Variants in GPR37 observed in about 807,000 individuals in gnomAD.
GPR37 encodes the protein G protein-coupled receptor 37.
In GPR37, 20 loss-of-function variants were observed where a neutral mutation model predicts 43.6. The ratio of observed to expected loss-of-function variants is 0.46; its 90% CI spans 0.32 to 0.67. GPR37 has a LOEUF of 0.67. Among genes scored for constraint, GPR37 ranks in the 30% least tolerant of loss-of-function variants. The pLI, the probability that GPR37 is intolerant of heterozygous loss-of-function variation, is 0.03. For synonymous variants in GPR37, 315 were observed against 322.6 expected (o/e 0.98, Z 0.25); for missense variants, 724 against 797.2 (o/e 0.91, Z 1.11).
At chr7:124,755,350 CTG>C (rs1368339354) in intron 1 of GPR37, among the ~76,000 whole-genome samples, 2 of 152,192 alleles carry the variant, frequency 1.3e-5, no homozygotes, top group African/African-American at 4.8e-5. Context: ...CAACTATCAA[CTG>C]TCCTTACTGC....
chr7:124,761,516 G>A (rs1354053017), intron 1 of GPR37, among the ~76,000 whole-genome samples: 1 of 152,156 alleles, frequency 6.6e-6, no homozygotes, highest in East Asian at 1.9e-4. Context: ...TTGCATCACA[G>A]TTCAACTTCT....
chr7:124,745,950 G>A lies in GPR37; in HGVS notation c.*575C>T, dbSNP rs371252749. On this transcript the variant is annotated 3_prime_UTR_variant, in exon 2 of 2. Coordinates refer to ENST00000303921, the MANE Select transcript of GPR37 (RefSeq NM_005302.5). ...GATTACCTGCCTTAAAAGAAAATAC[G>A]TTATAAAACAGTAAGGCCGGTTTTA... 5.9e-5 allele frequency: 9 copies of A among 152,012 alleles called. No homozygotes were observed. The highest frequency in any genetic ancestry group is 3.8e-4 in the East Asian group (2 of 5,196). The allele number at this position is 152,012 out of a possible 1,614,324, so 9.4% of individuals were successfully genotyped here. A position where few individuals can be genotyped will look rare whatever the true frequency, so the allele number is the denominator to read the frequency against.
intron 1 of GPR37, among the ~76,000 whole-genome samples, chr7:124,749,440 T>C (rs1023659342): frequency 2.6e-4 from 39 of 152,106 alleles, no homozygotes; most frequent in African/African-American, 9.4e-4. Context: ...ATAATGTTAA[T>C]ATCTCATTTT....
At chr7:124,752,371 G>C (rs192474008) in intron 1 of GPR37, among the ~76,000 whole-genome samples, 46 of 152,218 alleles carry the variant, frequency 3.0e-4, no homozygotes, top group East Asian at 1.7e-3. Flanking sequence ...AATAAAGCAG[G>C]AATTTTATCC....
chr7:124,749,930 C>T (rs1477130962), intron 1 of GPR37, among the ~76,000 whole-genome samples: 1 of 152,086 alleles, frequency 6.6e-6, no homozygotes, highest in African/African-American at 2.4e-5. Context: ...AAATAATCTC[C>T]ACTTTCATCT....
chr7:124,763,982 AAGTCCTC>A lies in GPR37; in HGVS notation c.988_994del (p.Glu330SerfsTer9). On this transcript the variant is annotated frameshift_variant, in exon 1 of 2. Coordinates refer to ENST00000303921, the MANE Select transcript of GPR37 (RefSeq NM_005302.5). LOFTEE classifies it high-confidence loss of function. ...TATATAGGGCACGATCTTGCAGGAG[AAGTCCTC>A]CAGCAGCCACTTCTTGGTCAGCTCG... 6.2e-7 allele frequency: 1 copy of A among 1,613,988 alleles called. No homozygotes were observed. Among genetic ancestry groups the A allele is most frequent in the Non-Finnish European group, 8.5e-7 (1 of 1,180,008 alleles).
Position 124,764,726 on chromosome 7 carries a change from G to C in GPR37, c.251C>G (p.Pro84Arg), listed in dbSNP as rs1374852040. 1 of 1,608,472 alleles carries C rather than the reference G, an allele frequency of 6.2e-7. No homozygotes were observed. Among genetic ancestry groups the C allele is most frequent in the Non-Finnish European group, 8.5e-7 (1 of 1,179,256 alleles). Residue 84 changes from proline (P) to arginine (R), a missense_variant, in exon 1 of 2, where the codon CCC becomes CGC. By Grantham distance (103) the Pro-to-Arg change is moderately radical (BLOSUM62 -2). This residue lies in a region of GPR37 where 382 missense variants were observed against 355.4 expected (regional missense o/e 1.07). Coordinates refer to ENST00000303921, the MANE Select transcript of GPR37 (RefSeq NM_005302.5). The surrounding 1 kb of genome is among the most constrained non-coding windows in gnomAD (Gnocchi z 5.4). The part of the protein sequence containing the change: ...EEQGAAFLAG[P>R]SWDLPAAPGR... ...CGGGGCCGCCGGCAGGTCCCAGGAGGGTCCCGCAAGAAACGCTGCCCCCTG... is the reference window on the plus strand; with the variant it reads ...CGGGGCCGCCGGCAGGTCCCAGGAGCGTCCCGCAAGAAACGCTGCCCCCTG...
In GPR37 at chr7:124,764,500, AGC is replaced by A; in HGVS notation, c.475_476del (p.Ala159TrpfsTer6). ...SEEEEKGPRG[A>X]GISGRSQEQS... ...GCTCCTGGCTACGCCCGGAAATGCC[AGC>A]GCCTCTGGGACCCTTCTCTTCCTCC... On this transcript the variant is annotated frameshift_variant, in exon 1 of 2. Transcript: ENST00000303921. LOFTEE classifies it high-confidence loss of function. This position sits in a 1 kb window ranked among gnomAD's most constrained non-coding sequence, Gnocchi z 5.4. The A allele has an allele frequency of 6.2e-7, 1 of 1,613,610 alleles. No homozygotes were observed.
intron 1 of GPR37, among the ~76,000 whole-genome samples, chr7:124,755,766 A>G (rs1047352018): frequency 1.3e-5 from 2 of 152,262 alleles, no homozygotes; most frequent in East Asian, 3.9e-4. Context: ...ATTTCCCCCA[A>G]GCCCACAGTC....
chr7:124,752,415 G>A (rs1342703710), intron 1 of GPR37, among the ~76,000 whole-genome samples: 2 of 152,046 alleles, frequency 1.3e-5, no homozygotes, highest in Non-Finnish European at 2.9e-5. Context: ...AGAACTTCTC[G>A]ACTATCTCCC....
rs724356 is a variant in GPR37, at chr7:124,747,320, A to G, written c.1047T>C (p.Thr349=). 0.75 allele frequency: 1,212,677 copies of G among 1,610,830 alleles called. 463,242 individuals are homozygous for G. The highest frequency in any genetic ancestry group is 1 in the East Asian group (44,776 of 44,826). The part of the protein sequence containing the change: ...YIEVASLGVT[T]FTLCALCIDR... ...CTATGCACAGAGCACATAAGGTGAA[A>G]GTGGTGACTCCCAGAGAAGCGACCT... Residue 349 remains threonine, a synonymous_variant, in exon 2 of 2, where the codon ACT becomes ACC. Coordinates refer to ENST00000303921, the MANE Select transcript of GPR37 (RefSeq NM_005302.5).
At chr7:124,747,487 G>A in intron 1 of GPR37, 144 bp from the exon 2 acceptor site, 1 of 619,860 alleles carries the variant, frequency 1.6e-6, no homozygotes, top group Non-Finnish European at 2.8e-6. Context: ...TTTCCAGAAT[G>A]AGGCATGGGT....
intron 1 of GPR37, among the ~76,000 whole-genome samples, chr7:124,762,501 AAAG>A (rs1187679288): frequency 6.8e-4 from 103 of 152,134 alleles, no homozygotes; most frequent in Non-Finnish European, 1.4e-3. Flanking sequence ...AAAAAGAAAA[AAAG>A]AAATTTGAAA....
intron 1 of GPR37, among the ~76,000 whole-genome samples, chr7:124,763,264 G>T (rs779062374): frequency 5.9e-5 from 9 of 152,156 alleles, no homozygotes; most frequent in Non-Finnish European, 1.3e-4. Flanking sequence ...GCTGGCCAAA[G>T]TCTTATTTTT....
chr7:124,746,941 A>G lies in GPR37; in HGVS notation c.1426T>C (p.Cys476Arg). 1 of 1,614,092 alleles carries G rather than the reference A, an allele frequency of 6.2e-7. No individual in the cohort carries two copies. The highest frequency in any genetic ancestry group is 8.5e-7 in the Non-Finnish European group (1 of 1,179,966). The change falls in exon 2 of 2, where the codon TGT (cysteine) becomes CGT (arginine). Residue 476 changes from cysteine to arginine, a missense_variant. Coordinates refer to ENST00000303921, the MANE Select transcript of GPR37 (RefSeq NM_005302.5). ...ATCTGCCGTTTATTCCCTCGGGTAC[A>G]GGCTTTCTCTGCTTTGCGGATTTTC... ...ARKIRKAEKA[C>R]TRGNKRQIQL...
rs200282466 is a variant in GPR37 at position 124,764,696 on chromosome 7, C to A, written c.281G>T (p.Arg94Leu). 1.1e-4 allele frequency: 179 copies of A among 1,594,950 alleles called. 1 individual carries two copies. In the East Asian group the frequency reaches 3.9e-3, roughly 35 times the overall value. ...CGCCCCTCTGCCTGCAGCCGGGTCA[C>A]GGCCCGGGGCCGCCGGCAGGTCCCA... Reference protein sequence around the residue: ...PSWDLPAAPGRDPAAGRGAEA... With the variant: ...PSWDLPAAPGLDPAAGRGAEA... The change falls in exon 1 of 2, where the codon CGT becomes CTT. Residue 94 changes from arginine (R) to leucine (L), a missense_variant. By Grantham distance (102) the Arg-to-Leu change is moderately radical. Around this residue, in one of 2 missense-constraint regions of GPR37, gnomAD observed 382 missense variants for 355.4 expected, o/e 1.07. Coordinates refer to ENST00000303921, the MANE Select transcript of GPR37 (RefSeq NM_005302.5). This position sits in a 1 kb window ranked among gnomAD's most constrained non-coding sequence, Gnocchi z 5.4.
chr7:124,751,462 C>A (rs1186923442), intron 1 of GPR37, among the ~76,000 whole-genome samples: 2 of 152,094 alleles, frequency 1.3e-5, no homozygotes, highest in African/African-American at 4.8e-5. Flanking sequence ...AGTAACTGCA[C>A]ACCTCAGAAA....
At chr7:124,757,124 C>T (rs750135659) in intron 1 of GPR37, among the ~76,000 whole-genome samples, 7 of 152,132 alleles carry the variant, frequency 4.6e-5, no homozygotes, top group Non-Finnish European at 7.4e-5. Flanking sequence ...CCCCTTTCCT[C>T]GACTCCACAA....
chr7:124,748,836 A>AT (rs891710229), intron 1 of GPR37, among the ~76,000 whole-genome samples: 12 of 150,954 alleles, frequency 7.9e-5, no homozygotes, highest in South Asian at 4.2e-4. Flanking sequence ...ATATGTACCT[A>AT]TTTTTTTTTC....
Sources: gnomAD v4.1 joint callset for allele counts (sites outside exome capture counted in the v4.1 genomes callset) on GRCh38, gnomAD v4.1.1 for gene constraint, gnomAD v4.1.1 regional missense constraint, Gnocchi (gnomAD v3.1) non-coding constraint, MANE v1.5 for transcripts, NCBI Gene and HGNC (gene_info 2026-07-23, HGNC 2026-07-21) for gene names.